Variants in SFPQ observed in about 807,000 individuals in gnomAD.
The protein encoded by SFPQ is splicing factor, proline- and glutamine-rich.
Under a neutral mutation model 72.9 loss-of-function variants are expected in SFPQ, and 11 were observed. The ratio of observed to expected loss-of-function variants is 0.15; its 90% CI spans 0.09 to 0.25. The LOEUF (loss-of-function observed/expected upper bound fraction) is 0.25, where lower values mean the gene tolerates loss of function less well. SFPQ is among the 10% of genes least tolerant of loss of function. The probability of loss-of-function intolerance (pLI) is 1.00; values close to 1 mark genes in which losing one functional copy is unlikely to be tolerated. For missense variants in SFPQ, 847 were observed against 993.3 expected (o/e 0.85, Z 1.98); for synonymous variants, 506 against 367.3 (o/e 1.38, Z -4.32).
At chr1:35,178,692 G>A (rs541751647), downstream of SFPQ, 1 of 1,055,216 alleles carries the variant, frequency 9.5e-7, no homozygotes, top group Admixed American at 5.4e-5. Context: ...CAGGGCCACA[G>A]TGCACAAAAC....
chr1:35,180,462 G>T, downstream of SFPQ: 1 of 1,049,590 alleles, frequency 9.5e-7, no homozygotes, highest in African/African-American at 1.7e-5. Context: ...TTCCCAACAT[G>T]TATTCGACTG....
chr1:35,178,903 A>T (rs909112005), downstream of SFPQ: 161 of 1,041,628 alleles, frequency 1.5e-4, no homozygotes, highest in Middle Eastern at 4.3e-4. Context: ...AAAAAAAAAT[A>T]TTTTTTTCAG....
chr1:35,191,733 G>A (rs1640008817), intron 1 of SFPQ, among the ~76,000 whole-genome samples: 1 of 151,804 alleles, frequency 6.6e-6, no homozygotes, highest in Non-Finnish European at 1.5e-5. Flanking sequence ...TTCGAGAATA[G>A]ACACACTTCC....
intron 2 of SFPQ, 114 bp from the exon 3 acceptor site, chr1:35,191,109 A>G (rs760294936): frequency 1.0e-6 from 1 of 989,040 alleles, no homozygotes; most frequent in Non-Finnish European, 1.5e-6. Context: ...TTCGACCATT[A>G]CCTTTAGGCA....
rs979348539 is a variant in SFPQ, at chr1:35,193,120, C to T, written c.-71G>A. On this transcript the variant is annotated 5_prime_UTR_variant, in exon 1 of 10. Transcript: ENST00000357214. ...AGGAAACGTGGAGGCCACCTTGCTTCTCACAAAATGGCGGATGACACAGGC... is the reference window on the plus strand; with the variant it reads ...AGGAAACGTGGAGGCCACCTTGCTTTTCACAAAATGGCGGATGACACAGGC... 5.4e-6 allele frequency: 8 copies of T among 1,486,464 alleles called. No homozygotes were observed. The highest frequency in any genetic ancestry group is 1.8e-4 in the Middle Eastern group (1 of 5,558). 92.1% of individuals were successfully genotyped at this position (1,486,464 alleles called of 1,614,324 possible).
intron 7 of SFPQ, 54 bp from the exon 8 acceptor site, chr1:35,187,305 TC>T: frequency 6.8e-7 from 1 of 1,480,670 alleles, no homozygotes. Context: ...CAGCAAGCAT[TC>T]TTAAGAACTG....
downstream of SFPQ, chr1:35,181,973 A>C: frequency 5.1e-6 from 5 of 985,374 alleles, no homozygotes; most frequent in Non-Finnish European, 6.0e-6. Flanking sequence ...TACAGTCCAC[A>C]GTAAGGGTAT....
rs1640125378 is a variant in SFPQ, at chr1:35,193,097, G to A, written c.-48C>T. The A allele has an allele frequency of 1.3e-6, 2 of 1,503,212 alleles. No individual in the cohort carries two copies. Among genetic ancestry groups the A allele is most frequent in the Non-Finnish European group, 1.8e-6 (2 of 1,135,386 alleles). The allele number at this position is 1,503,212 out of a possible 1,614,324, so 93.1% of individuals were successfully genotyped here. A position where few individuals can be genotyped will look rare whatever the true frequency, so the allele number is the denominator to read the frequency against. The stretch of plus-strand genomic sequence containing the variant: ...AGGCAAAAGCGAAGAAGACGCTCAG[G>A]AAACGTGGAGGCCACCTTGCTTCTC... On this transcript the variant is annotated 5_prime_UTR_variant, in exon 1 of 10. Transcript: ENST00000357214.
In SFPQ at chr1:35,193,101, C is replaced by A; in HGVS notation, c.-52G>T. 2 of 1,500,282 alleles carry A rather than the reference C, an allele frequency of 1.3e-6. No individual in the cohort carries two copies. Among genetic ancestry groups the A allele is most frequent in the Non-Finnish European group, 1.8e-6 (2 of 1,133,322 alleles). The allele number at this position is 1,500,282 out of a possible 1,614,324, so 92.9% of individuals were successfully genotyped here. ...AAAAGCGAAGAAGACGCTCAGGAAA[C>A]GTGGAGGCCACCTTGCTTCTCACAA... is the stretch of plus-strand genomic sequence containing the variant. On this transcript the variant is annotated 5_prime_UTR_variant, in exon 1 of 10. Transcript: ENST00000357214.
rs1639554106 is a variant in SFPQ, at chr1:35,183,228, T to TAA, written c.*1227_*1228insTT. 3 of 906,118 alleles carry TAA rather than the reference T, an allele frequency of 3.3e-6. No homozygotes were observed. The East Asian group carries it at 2.2e-4, about 66-fold the overall frequency. The allele number at this position is 906,118 out of a possible 1,614,324, so 56.1% of individuals were successfully genotyped here. A position where few individuals can be genotyped will look rare whatever the true frequency, so the allele number is the denominator to read the frequency against. ...TAAACCTACTTCAGTACTAAACCTT[T>TAA]TTTTTTTTTTGAGACAGAGTCTCGC... On this transcript the variant is annotated 3_prime_UTR_variant, in exon 10 of 10. Transcript: ENST00000357214.
chr1:35,190,986 C>G lies in SFPQ; in HGVS notation c.1027G>C (p.Ala343Pro), dbSNP rs1005723175. Residue 343 changes from alanine to proline, a missense_variant, in exon 3 of 10, where the codon GCT becomes CCT. Transcript: ENST00000357214. ...TCGGCTTTGGCAATTTCAGCCAAAG[C>G]TCTAGATTCCTGTGTATCAGAGACA... ...GFGFIKLESR[A>P]LAEIAKAELD... 1 of 1,612,826 alleles carries G rather than the reference C, an allele frequency of 6.2e-7. No individual in the cohort carries two copies. The highest frequency in any genetic ancestry group is 8.5e-7 in the Non-Finnish European group (1 of 1,179,560).
rs1264481425 is a variant in SFPQ at position 35,192,611 on chromosome 1, G to T, written c.439C>A (p.Pro147Thr). Reference protein sequence around the residue: ...PTSGAPPGSGPGPTPTPPPAV... With the variant: ...PTSGAPPGSGTGPTPTPPPAV... The stretch of plus-strand genomic sequence containing the variant: ...GGCGGCGGGGTCGGAGTCGGGCCTG[G>T]CCCGGACCCTGGCGGGGCCCCCGAG... The change falls in exon 1 of 10, where the codon CCA (proline) becomes ACA (threonine). Residue 147 changes from proline (P) to threonine (T), a missense_variant. Pro to Thr is a conservative substitution (Grantham distance 38). This residue lies in a region of SFPQ where 498 missense variants were observed against 405.1 expected (regional missense o/e 1.23). Transcript: ENST00000357214. The T allele has an allele frequency of 5.1e-6, 7 of 1,369,350 alleles. No individual in the cohort carries two copies. In the African/African-American group the frequency reaches 6.1e-5, roughly 12 times the overall value. The allele number at this position is 1,369,350 out of a possible 1,614,324, so 84.8% of individuals were successfully genotyped here. A position where few individuals can be genotyped will look rare whatever the true frequency, so the allele number is the denominator to read the frequency against.
chr1:35,178,884 CAAAAAA>C, downstream of SFPQ: 5 of 963,354 alleles, frequency 5.2e-6, no homozygotes, highest in Non-Finnish European at 6.1e-6. Context: ...TTTTCACTCT[CAAAAAA>C]AAAAAAAAAA....
At chr1:35,179,917 T>C (rs1294596163), downstream of SFPQ, 1 of 1,054,824 alleles carries the variant, frequency 9.5e-7, no homozygotes. Context: ...AATTTAGTGA[T>C]ACTCATGTCA....
intron 1 of SFPQ, 83 bp from the exon 2 acceptor site, chr1:35,191,612 C>A: frequency 1.9e-6 from 2 of 1,061,972 alleles, no homozygotes; most frequent in Non-Finnish European, 2.8e-6. Context: ...TTATCTGAAA[C>A]CTATCAGTTG....
downstream of SFPQ, chr1:35,178,437 T>G: frequency 1.9e-6 from 2 of 1,063,476 alleles, no homozygotes; most frequent in Non-Finnish European, 2.3e-6. Context: ...CATTCAAGTA[T>G]GTCTTCCATT....
At chr1:35,181,054 G>C, downstream of SFPQ, 1 of 1,064,938 alleles carries the variant, frequency 9.4e-7, no homozygotes, top group Non-Finnish European at 1.1e-6. Flanking sequence ...TAATTTCATT[G>C]TCAGAAATGT....
At position 35,187,699 on chromosome 1, in the gene SFPQ, C is replaced by A. The variant is rs111612955; in HGVS notation, c.1815+274G>T. ...TGAGCCAAGATCAAGCCACTGCACT[C>A]CAGCCTGGGTGACAAGAGCAAAACT... On this transcript the variant is annotated intron_variant, in intron 7 of 9. Coordinates refer to ENST00000357214, the MANE Select transcript of SFPQ (RefSeq NM_005066.3). 6.0e-3 allele frequency among the ~76,000 whole-genome samples: 918 copies of A among 152,016 alleles called. 11 individuals carry two copies. Among genetic ancestry groups the A allele is most frequent in the African/African-American group, 0.021 (862 of 41,462 alleles).
intron 1 of SFPQ, 106 bp downstream of exon 1, chr1:35,192,116 C>A: frequency 1.0e-6 from 1 of 977,402 alleles, no homozygotes; most frequent in Non-Finnish European, 1.3e-6. Context: ...CGCGCAAGCG[C>A]CCCTTCCGGC....
Sources: allele counts gnomAD v4.1 joint callset (sites outside exome capture counted in the v4.1 genomes callset), GRCh38; gene constraint gnomAD v4.1.1; regional missense constraint gnomAD v4.1.1; transcripts MANE v1.5; gene names NCBI Gene and HGNC (gene_info 2026-07-23, HGNC 2026-07-21).